The following DPYD variants were observed in gnomAD, a reference collection of about 807,000 sequenced individuals.
DPYD encodes the protein dihydropyrimidine dehydrogenase [NADP(+)].
DPYD carries 109 observed loss-of-function variants against 116.2 expected under a neutral mutation model. The observed-to-expected ratio is 0.94, with a 90% CI of 0.80 to 1.10. The LOEUF is 1.10. Ranked by LOEUF, DPYD falls within the 50% of genes least tolerant of loss-of-function variation. DPYD has a pLI of 0.00. For missense variants in DPYD, 1,302 were observed against 1,254.5 expected, an observed-to-expected ratio of 1.04 and a Z score of -0.57; for synonymous variants, 440 against 432.0, an observed-to-expected ratio of 1.02 and a Z score of -0.23.
At chr1:97,335,671 C>T (rs994322471) in intron 16 of DPYD, among the ~76,000 whole-genome samples, 2 of 152,132 alleles carry the variant, frequency 1.3e-5, no homozygotes, top group African/African-American at 4.8e-5. Flanking sequence ...GTCCCCATAG[C>T]CCTCTGCATT....
At chr1:97,333,758 G>A (rs901413785) in intron 16 of DPYD, among the ~76,000 whole-genome samples, 3 of 151,730 alleles carry the variant, frequency 2.0e-5, no homozygotes, top group African/African-American at 7.3e-5. Context: ...CTGACCTCGT[G>A]ATCCACCCGC....
intron 20 of DPYD, among the ~76,000 whole-genome samples, chr1:97,114,301 C>A (rs530299977): frequency 6.6e-6 from 1 of 152,160 alleles, no homozygotes; most frequent in East Asian, 1.9e-4. Flanking sequence ...TTTTCCTATC[C>A]ATATCTCTTC....
In DPYD at chr1:97,672,838, C is replaced by T. The variant is rs757474543; in HGVS notation, c.850+6257G>A. 1.1e-3 allele frequency among the ~76,000 whole-genome samples: 165 copies of T among 151,862 alleles called. 1 individual carries two copies. The highest frequency in any genetic ancestry group is 2.1e-3 in the Non-Finnish European group (142 of 67,938). ...TAGCAAATTTAATACCACAATCTCT[C>T]GATGGATTTTTTAAATTATAATTAT... On this transcript the variant is annotated intron_variant, in intron 8 of 22. Coordinates refer to ENST00000370192, the MANE Select transcript of DPYD (RefSeq NM_000110.4).
At chr1:97,144,503 C>A (rs1227959351) in intron 20 of DPYD, among the ~76,000 whole-genome samples, 1 of 152,186 alleles carries the variant, frequency 6.6e-6, no homozygotes, top group African/African-American at 2.4e-5. Flanking sequence ...ATAATCTCTA[C>A]TATCAACTTT....
At chr1:97,173,394 A>C (rs1656989898) in intron 20 of DPYD, among the ~76,000 whole-genome samples, 1 of 150,110 alleles carries the variant, frequency 6.7e-6, no homozygotes, top group Non-Finnish European at 1.5e-5. Context: ...ACGTACATAT[A>C]TGTGTGTATA....
At chr1:97,149,423 T>G (rs1479457610) in intron 20 of DPYD, among the ~76,000 whole-genome samples, 1 of 152,116 alleles carries the variant, frequency 6.6e-6, no homozygotes, top group Non-Finnish European at 1.5e-5. Flanking sequence ...CAGCTAATTT[T>G]TGTATTTTTA....
chr1:97,246,605 C>T (rs1570750992), intron 18 of DPYD, among the ~76,000 whole-genome samples: 2 of 152,174 alleles, frequency 1.3e-5, no homozygotes, highest in African/African-American at 4.8e-5. Context: ...ACGTTAACAG[C>T]AAAACTAAAG....
At chr1:97,709,864 A>G (rs1320543418) in intron 5 of DPYD, among the ~76,000 whole-genome samples, 1 of 151,834 alleles carries the variant, frequency 6.6e-6, no homozygotes, top group Non-Finnish European at 1.5e-5. Flanking sequence ...TGATAGCTGT[A>G]ATTATTCCTC....
intron 11 of DPYD, among the ~76,000 whole-genome samples, chr1:97,553,377 G>A (rs1444987443): frequency 2.0e-5 from 3 of 151,854 alleles, no homozygotes; most frequent in Admixed American, 6.6e-5. Context: ...TCTCAGAAAG[G>A]AATTCATTTA....
intron 4 of DPYD, among the ~76,000 whole-genome samples, chr1:97,734,892 G>A (rs1004295993): frequency 1.3e-5 from 2 of 152,054 alleles, no homozygotes; most frequent in African/African-American, 4.8e-5. Flanking sequence ...GATTGTGTAA[G>A]TCCACATCAC....
At chr1:97,664,737 G>A (rs553959599) in intron 8 of DPYD, among the ~76,000 whole-genome samples, 36 of 152,076 alleles carry the variant, frequency 2.4e-4, no homozygotes, top group Middle Eastern at 3.4e-3. Flanking sequence ...AAGGGTCTTC[G>A]AGTGAAAATA....
intron 19 of DPYD, among the ~76,000 whole-genome samples, chr1:97,214,535 G>C (rs1293346217): frequency 6.6e-6 from 1 of 152,172 alleles, no homozygotes; most frequent in Non-Finnish European, 1.5e-5. Context: ...GAGTAATATA[G>C]TGGATTAAGT....
intron 19 of DPYD, among the ~76,000 whole-genome samples, chr1:97,215,087 T>A (rs1660287559): frequency 1.3e-5 from 2 of 152,208 alleles, no homozygotes. Context: ...ATAGCTTGCA[T>A]CTGTGGTACA....
intron 20 of DPYD, among the ~76,000 whole-genome samples, chr1:97,110,553 C>T (rs780690329): frequency 1.4e-4 from 22 of 152,216 alleles, no homozygotes; most frequent in Non-Finnish European, 2.8e-4. Flanking sequence ...TAGCGTCTGT[C>T]ATCCTAAAAA....
At chr1:97,896,323 T>C (rs1400040178) in intron 1 of DPYD, among the ~76,000 whole-genome samples, 1 of 151,798 alleles carries the variant, frequency 6.6e-6, no homozygotes, top group East Asian at 1.9e-4. Flanking sequence ...GAAGAATGCA[T>C]ACATATCTCC....
intron 18 of DPYD, among the ~76,000 whole-genome samples, chr1:97,288,644 C>A (rs1665906332): frequency 6.9e-6 from 1 of 144,588 alleles, no homozygotes; most frequent in Non-Finnish European, 1.5e-5. Flanking sequence ...CCAACGAGAA[C>A]AAAGACACAA....
At chr1:97,188,349 T>C (rs1472732763) in intron 20 of DPYD, among the ~76,000 whole-genome samples, 1 of 152,208 alleles carries the variant, frequency 6.6e-6, no homozygotes, top group Non-Finnish European at 1.5e-5. Flanking sequence ...ACTGCTGCTG[T>C]TCTTAAAAGG....
At position 97,297,799 on chromosome 1, in the gene DPYD, T is replaced by G. The variant is rs145816088; in HGVS notation, c.2299+7460A>C. ...CAATATGCTAGTGTCTATACAAAGT[T>G]AAGAAGAAAAACATAACATTTCACA... is the stretch of plus-strand genomic sequence containing the variant. On this transcript the variant is annotated intron_variant, in intron 18 of 22. Coordinates refer to ENST00000370192, the MANE Select transcript of DPYD (RefSeq NM_000110.4). Among the ~76,000 whole-genome samples the G allele has an allele frequency of 2.7e-3, 405 of 152,304 alleles. 2 individuals carry two copies. Among genetic ancestry groups the G allele is most frequent in the African/African-American group, 9.5e-3 (393 of 41,584 alleles).
chr1:97,373,891 G>A (rs1671443845), intron 15 of DPYD, among the ~76,000 whole-genome samples: 1 of 152,074 alleles, frequency 6.6e-6, no homozygotes. Context: ...TGCTCTATAT[G>A]TTTTATATTT....
Sources: gnomAD v4.1 joint callset for allele counts (sites outside exome capture counted in the v4.1 genomes callset) on GRCh38, gnomAD v4.1.1 for gene constraint, MANE v1.5 for transcripts, NCBI Gene and HGNC (gene_info 2026-07-23, HGNC 2026-07-21) for gene names.